TLK2: variants seen among roughly 807,000 people sequenced by gnomAD.
The protein encoded by TLK2 is serine/threonine-protein kinase tousled-like 2.
TLK2 carries 6 observed loss-of-function variants against 117.3 expected under a neutral mutation model. The ratio of observed to expected loss-of-function variants is 0.05; its 90% CI spans 0.03 to 0.10. TLK2 has a LOEUF of 0.10. Among genes scored for constraint, TLK2 ranks in the 10% least tolerant of loss-of-function variants. The pLI, the probability that TLK2 is intolerant of heterozygous loss-of-function variation, is 1.00. For synonymous variants in TLK2, 257 were observed against 316.7 expected (o/e 0.81, Z 2.00); for missense variants, 299 against 901.2 (o/e 0.33, Z 8.56).
chr17:62,537,982 A>C (rs1039537798), intron 7 of TLK2, among the ~76,000 whole-genome samples: 9 of 151,520 alleles, frequency 5.9e-5, no homozygotes, highest in Non-Finnish European at 1.0e-4. Flanking sequence ...TGTCATTCAC[A>C]CATTTCGAGA....
chr17:62,554,144 A>G (rs2078674926), intron 9 of TLK2, among the ~76,000 whole-genome samples: 1 of 152,212 alleles, frequency 6.6e-6, no homozygotes, highest in South Asian at 2.1e-4. Context: ...TGTACCTTTT[A>G]TAACCTACTC....
chr17:62,495,783 C>G (rs983743731), intron 2 of TLK2, among the ~76,000 whole-genome samples: 1 of 151,336 alleles, frequency 6.6e-6, no homozygotes, highest in Non-Finnish European at 1.5e-5. Context: ...CTCAGCCTCC[C>G]GAGTAGCTCG....
At chr17:62,486,641 T>C in intron 2 of TLK2, among the ~76,000 whole-genome samples, 1 of 152,230 alleles carries the variant, frequency 6.6e-6, no homozygotes, top group East Asian at 1.9e-4. Context: ...GGAGACCATG[T>C]AAAGTAGGCA....
At chr17:62,576,591 A>T in intron 12 of TLK2, 118 bp from the exon 13 acceptor site, 2 of 765,798 alleles carry the variant, frequency 2.6e-6, no homozygotes, top group South Asian at 1.6e-5. Flanking sequence ...CCCATCTTTC[A>T]GTCATTTTAA....
At chr17:62,608,547 G>A (rs1395314486) in intron 21 of TLK2, among the ~76,000 whole-genome samples, 1 of 152,126 alleles carries the variant, frequency 6.6e-6, no homozygotes, top group Non-Finnish European at 1.5e-5. Flanking sequence ...GAGTACTAAG[G>A]CATTTGTATT....
Position 62,507,851 on chromosome 17 carries a change from A to G in TLK2, c.82-12922A>G, listed in dbSNP as rs1355293397. 2.6e-5 allele frequency among the ~76,000 whole-genome samples: 4 copies of G among 151,960 alleles called. No homozygotes were observed. The East Asian group carries it at 7.7e-4, about 29-fold the overall frequency. The stretch of plus-strand genomic sequence containing the variant: ...TTTTCTCTAGGCTTGTAACTAAAGT[A>G]TTTTTTAAGATCCCCCTAGAAAAAA... On this transcript the variant is annotated intron_variant, in intron 2 of 21. Coordinates refer to ENST00000346027, the MANE Select transcript of TLK2 (RefSeq NM_006852.6).
chr17:62,487,922 G>A (rs961114837), intron 2 of TLK2, among the ~76,000 whole-genome samples: 4 of 144,660 alleles, frequency 2.8e-5, no homozygotes, highest in African/African-American at 5.2e-5. Flanking sequence ...TGCGCCCGGC[G>A]GCAAGTATCT....
At chr17:62,532,412 C>G (rs1339429228) in intron 6 of TLK2, among the ~76,000 whole-genome samples, 1 of 152,164 alleles carries the variant, frequency 6.6e-6, no homozygotes, top group Non-Finnish European at 1.5e-5. Context: ...CAATGGGTAT[C>G]ACAGGTGTTC....
In TLK2 at chr17:62,553,716, C is replaced by T. The variant is rs770361892; in HGVS notation, c.681C>T (p.Asp227=). 1.2e-5 allele frequency: 19 copies of T among 1,610,872 alleles called. No individual in the cohort carries two copies. The Admixed American group carries it at 3.2e-4, about 27-fold the overall frequency. The change falls in exon 9 of 22, where the codon GAC becomes GAT. Residue 227 remains aspartate (D), a synonymous_variant. Transcript: ENST00000346027. ...ISALENSKNS[D]LEKKEGRIDD... Reference sequence around the variant, plus strand: ...CACTAGAAAACAGTAAGAATTCTGACTTAGAGAAGAAGGAGGGAAGAATAG... The same window carrying T: ...CACTAGAAAACAGTAAGAATTCTGATTTAGAGAAGAAGGAGGGAAGAATAG...
chr17:62,478,339 G>C (rs1211471024), upstream of TLK2, among the ~76,000 whole-genome samples: 1 of 151,328 alleles, frequency 6.6e-6, no homozygotes, highest in Non-Finnish European at 1.5e-5. Context: ...GGGGTTGGGC[G>C]GGCGCGGGGG....
At chr17:62,581,140 G>A (rs2081187782) in intron 15 of TLK2, among the ~76,000 whole-genome samples, 1 of 152,014 alleles carries the variant, frequency 6.6e-6, no homozygotes, top group Non-Finnish European at 1.5e-5. Flanking sequence ...AACCTCTTGA[G>A]TAGCTGGGAC....
At chr17:62,573,145 T>G in intron 11 of TLK2, 70 bp from the exon 12 acceptor site, 1 of 1,487,034 alleles carries the variant, frequency 6.7e-7, no homozygotes, top group Non-Finnish European at 9.0e-7. Context: ...AGTGACAAAT[T>G]GTGTGTGTTC....
At chr17:62,502,767 A>G (rs186887720) in intron 2 of TLK2, among the ~76,000 whole-genome samples, 29 of 152,366 alleles carry the variant, frequency 1.9e-4, no homozygotes, top group African/African-American at 6.5e-4. Context: ...AGAAAAGCAA[A>G]TCATTTATAA....
Position 62,586,918 on chromosome 17 carries a change from G to A in TLK2, c.1460+692G>A, listed in dbSNP as rs28679633. 9.1e-3 allele frequency among the ~76,000 whole-genome samples: 1,389 copies of A among 151,998 alleles called. 11 individuals are homozygous for A. Among genetic ancestry groups the A allele is most frequent in the African/African-American group, 0.032 (1,307 of 41,436 alleles). On this transcript the variant is annotated intron_variant, in intron 16 of 21. Coordinates refer to ENST00000346027, the MANE Select transcript of TLK2 (RefSeq NM_006852.6). ...CTGCTACTTCAGTCATTTCCTTCTA[G>A]AAGAGACTGGGGGCACCTGGTGTGT...
At chr17:62,604,720 C>G (rs1289592313) in intron 19 of TLK2, among the ~76,000 whole-genome samples, 2 of 151,268 alleles carry the variant, frequency 1.3e-5, no homozygotes, top group African/African-American at 4.9e-5. Context: ...ACCATCCTGG[C>G]CAACATGGTG....
chr17:62,478,841 G>C lies in TLK2; in HGVS notation c.-455G>C, dbSNP rs946070190. On this transcript the variant is annotated 5_prime_UTR_variant, in exon 1 of 22. Coordinates refer to ENST00000346027, the MANE Select transcript of TLK2 (RefSeq NM_006852.6). ...ACACCGATCACTACTAATCCGGACC[G>C]AACCGATCCGGATTAAGGGGCCGGA... Among the ~76,000 whole-genome samples the C allele has an allele frequency of 2.8e-5, 4 of 144,898 alleles. No individual in the cohort carries two copies. In the Admixed American group the frequency reaches 2.8e-4, roughly 10 times the overall value.
chr17:62,587,348 G>C (rs1039983146), intron 16 of TLK2, among the ~76,000 whole-genome samples: 2 of 152,192 alleles, frequency 1.3e-5, no homozygotes, highest in Non-Finnish European at 2.9e-5. Flanking sequence ...CTTGAAAGGA[G>C]GGGACAGGCT....
chr17:62,538,718 TC>T (rs2077293637), intron 7 of TLK2, among the ~76,000 whole-genome samples: 1 of 152,176 alleles, frequency 6.6e-6, no homozygotes, highest in Non-Finnish European at 1.5e-5. Flanking sequence ...AACAAAATGA[TC>T]ATGTATGAAG....
intron 2 of TLK2, among the ~76,000 whole-genome samples, chr17:62,515,017 ACTC>A (rs1461810486): frequency 6.6e-6 from 1 of 151,954 alleles, no homozygotes; most frequent in Non-Finnish European, 1.5e-5. Flanking sequence ...CCATTAAACA[ACTC>A]CTCATCTCTA....
Sources: allele counts gnomAD v4.1 joint callset (sites outside exome capture counted in the v4.1 genomes callset), GRCh38; gene constraint gnomAD v4.1.1; transcripts MANE v1.5; gene names NCBI Gene and HGNC (gene_info 2026-07-23, HGNC 2026-07-21).